The following SPOCK3 variants were observed in gnomAD, a reference collection of about 807,000 sequenced individuals.
SPOCK3 encodes the protein testican-3.
A neutral mutation model predicts 56.6 loss-of-function variants in SPOCK3; 30 were observed. The ratio of observed to expected loss-of-function variants is 0.53; its 90% confidence interval spans 0.40 to 0.72. SPOCK3 has a LOEUF of 0.72. Ranked by LOEUF, SPOCK3 falls within the 30% of genes least tolerant of loss-of-function variation. The pLI is 0.00. For synonymous variants in SPOCK3, 196 were observed against 183.3 expected, an observed-to-expected ratio of 1.07 and a Z score of -0.56; for missense variants, 527 against 530.0, an observed-to-expected ratio of 0.99 and a Z score of 0.06.
At chr4:166,990,981 A>G (rs1469894981) in intron 4 of SPOCK3, among the ~76,000 whole-genome samples, 2 of 152,178 alleles carry the variant, frequency 1.3e-5, no homozygotes, top group Non-Finnish European at 2.9e-5. Flanking sequence ...TCAAGTACTA[A>G]TTGCTTTAAA....
chr4:166,768,703 C>G (rs908849555), intron 7 of SPOCK3, among the ~76,000 whole-genome samples: 3 of 152,076 alleles, frequency 2.0e-5, no homozygotes, highest in Non-Finnish European at 4.4e-5. Flanking sequence ...TTGTGGCGTT[C>G]TCTGTATTTC....
At chr4:167,184,345 T>G (rs1327729116) in intron 2 of SPOCK3, among the ~76,000 whole-genome samples, 1 of 152,186 alleles carries the variant, frequency 6.6e-6, no homozygotes, top group East Asian at 1.9e-4. Flanking sequence ...CACTTGGTTA[T>G]GTATGTCTTA....
intron 6 of SPOCK3, among the ~76,000 whole-genome samples, chr4:166,801,731 T>A (rs1003493276): frequency 6.6e-6 from 1 of 152,200 alleles, no homozygotes; most frequent in Non-Finnish European, 1.5e-5. Context: ...TATTTATGAA[T>A]AATTGAATTG....
At chr4:167,061,796 A>G (rs763972502) in intron 3 of SPOCK3, among the ~76,000 whole-genome samples, 6 of 152,010 alleles carry the variant, frequency 3.9e-5, no homozygotes, top group Non-Finnish European at 8.8e-5. Flanking sequence ...GAGACTACAG[A>G]AAGTTACAAA....
chr4:167,157,777 C>T (rs1015598283), intron 2 of SPOCK3, among the ~76,000 whole-genome samples: 1 of 151,744 alleles, frequency 6.6e-6, no homozygotes, highest in Non-Finnish European at 1.5e-5. Context: ...CACAGACACA[C>T]CCCCAAACGT....
intron 2 of SPOCK3, among the ~76,000 whole-genome samples, chr4:167,177,154 A>G (rs1731056581): frequency 6.6e-6 from 1 of 152,218 alleles, no homozygotes; most frequent in East Asian, 1.9e-4. Flanking sequence ...ACATGAGCAG[A>G]CAACTGAGTT....
chr4:166,803,256 A>G (rs1321063167), intron 6 of SPOCK3, among the ~76,000 whole-genome samples: 1 of 152,204 alleles, frequency 6.6e-6, no homozygotes, highest in Non-Finnish European at 1.5e-5. Flanking sequence ...CCATTAAAGA[A>G]TATTGATGTT....
At position 166,889,110 on chromosome 4, in the gene SPOCK3, A is replaced by G. The variant is rs753575811; in HGVS notation, c.589+20T>C. 10 of 1,377,650 alleles carry G rather than the reference A, an allele frequency of 7.3e-6. No individual in the cohort carries two copies. The South Asian group carries it at 1.2e-4, about 16-fold the overall frequency. The allele number at this position is 1,377,650 out of a possible 1,614,324, so 85.3% of individuals were successfully genotyped here. On this transcript the variant is annotated intron_variant, in intron 6 of 10. Transcript: ENST00000357545. The stretch of plus-strand genomic sequence containing the variant: ...AGAGAGTGATGAATGTAAAATTATA[A>G]ATATATTTTTGTCACTTACCTCTCT...
In SPOCK3 at chr4:166,778,286, C is replaced by T. The variant is rs1739788748; in HGVS notation, c.709+13884G>A. On this transcript the variant is annotated intron_variant, in intron 7 of 10. Transcript: ENST00000357545. The stretch of plus-strand genomic sequence containing the variant: ...ACACATAAGCAGTACATTTCCCAAT[C>T]TTATGAACTAGTAGGCCTGTATTAT... Among the ~76,000 whole-genome samples the T allele has an allele frequency of 2.0e-5, 3 of 152,264 alleles. No individual in the cohort carries two copies. The South Asian group carries it at 6.2e-4, about 32-fold the overall frequency.
At chr4:167,095,109 T>C (rs1759036095) in intron 2 of SPOCK3, among the ~76,000 whole-genome samples, 1 of 152,120 alleles carries the variant, frequency 6.6e-6, no homozygotes, top group Non-Finnish European at 1.5e-5. Context: ...CCACCCACAT[T>C]GAGGAGGGCA....
Position 166,738,028 on chromosome 4 carries a change from G to A in SPOCK3, c.995-424C>T, listed in dbSNP as rs572234512. 4.6e-5 allele frequency among the ~76,000 whole-genome samples: 7 copies of A among 152,258 alleles called. No homozygotes were observed. The South Asian group carries it at 1.5e-3, about 32-fold the overall frequency. ...ACTTTCTACTTTCATTTCCCCAAAT[G>A]TTCATTCCTATATTCCAAGTTCTTT... On this transcript the variant is annotated intron_variant, in intron 9 of 10. Coordinates refer to ENST00000357545, the MANE Select transcript of SPOCK3 (RefSeq NM_001040159.2).
At chr4:167,177,130 A>G (rs1427589272) in intron 2 of SPOCK3, among the ~76,000 whole-genome samples, 1 of 152,128 alleles carries the variant, frequency 6.6e-6, no homozygotes, top group African/African-American at 2.4e-5. Flanking sequence ...ACTAGTTATC[A>G]TGGGCTCTTC....
intron 6 of SPOCK3, among the ~76,000 whole-genome samples, chr4:166,825,600 G>T (rs191990955): frequency 3.7e-4 from 56 of 151,998 alleles, no homozygotes; most frequent in African/African-American, 1.3e-3. Context: ...TGTTTATAGC[G>T]GCACAATTCA....
chr4:166,947,487 C>T (rs1457682167), intron 4 of SPOCK3, among the ~76,000 whole-genome samples: 1 of 152,044 alleles, frequency 6.6e-6, no homozygotes, highest in Non-Finnish European at 1.5e-5. Flanking sequence ...GTAACTTTTG[C>T]CACCTTTGAA....
intron 4 of SPOCK3, among the ~76,000 whole-genome samples, chr4:166,953,666 G>C (rs1253203114): frequency 2.6e-5 from 4 of 152,130 alleles, no homozygotes; most frequent in Non-Finnish European, 4.4e-5. Context: ...TTCACAATAT[G>C]AAAGACTTGG....
At chr4:166,986,561 A>G (rs1747196263) in intron 4 of SPOCK3, among the ~76,000 whole-genome samples, 1 of 152,152 alleles carries the variant, frequency 6.6e-6, no homozygotes, top group African/African-American at 2.4e-5. Flanking sequence ...ATAATTTTAC[A>G]GCACACGAAT....
At chr4:167,019,799 T>G (rs1750996062) in intron 3 of SPOCK3, among the ~76,000 whole-genome samples, 1 of 152,110 alleles carries the variant, frequency 6.6e-6, no homozygotes. Context: ...TATAACCGTG[T>G]GACTGAATTC....
At chr4:167,088,759 G>C (rs947461417) in intron 2 of SPOCK3, among the ~76,000 whole-genome samples, 1 of 152,004 alleles carries the variant, frequency 6.6e-6, no homozygotes, top group South Asian at 2.1e-4. Context: ...CACCATGCCT[G>C]GCTGCTCATT....
chr4:166,928,531 G>C (rs917746988), intron 4 of SPOCK3, among the ~76,000 whole-genome samples: 25 of 152,288 alleles, frequency 1.6e-4, no homozygotes, highest in Non-Finnish European at 3.5e-4. Flanking sequence ...GGGTTATTAG[G>C]GAGGAAAGGA....
Sources: allele counts gnomAD v4.1 joint callset (sites outside exome capture counted in the v4.1 genomes callset), GRCh38; gene constraint gnomAD v4.1.1; transcripts MANE v1.5; gene names NCBI Gene and HGNC (gene_info 2026-07-23, HGNC 2026-07-21).